PEMT: variants seen among roughly 807,000 people sequenced by gnomAD.
PEMT encodes phospholipid methyltransferase.
PEMT carries 23 observed loss-of-function variants against 27.4 expected under a neutral mutation model. The observed-to-expected ratio is 0.84, with a 90% CI of 0.60 to 1.19. The LOEUF is 1.19. Among genes scored for constraint, PEMT ranks in the 50% most tolerant of loss-of-function variants. PEMT has a pLI of 0.00. For missense variants in PEMT, 307 were observed against 310.1 expected, an observed-to-expected ratio of 0.99 and a Z score of 0.07; for synonymous variants, 137 against 139.1, an observed-to-expected ratio of 0.98 and a Z score of 0.11.
intron 1 of PEMT, among the ~76,000 whole-genome samples, chr17:17,584,262 C>T (rs3760187): frequency 0.06 from 9,104 of 152,214 alleles, 382 homozygotes; most frequent in East Asian, 0.14. Flanking sequence ...CGGGTTCACG[C>T]CATTCTCCTG....
At chr17:17,511,868 C>T (rs1204615976) in intron 4 of PEMT, among the ~76,000 whole-genome samples, 2 of 146,774 alleles carry the variant, frequency 1.4e-5, no homozygotes, top group Non-Finnish European at 3.0e-5. Context: ...TCCCAGATTC[C>T]AAGGAGCTGG....
intron 1 of PEMT, among the ~76,000 whole-genome samples, chr17:17,584,990 GTCA>G (rs1202178284): frequency 2.0e-5 from 3 of 152,250 alleles, no homozygotes; most frequent in Admixed American, 6.5e-5. Context: ...TGACAACTGT[GTCA>G]TCGAGTCCTG....
At chr17:17,507,054 A>T in intron 5 of PEMT, 1 of 1,005,234 alleles carries the variant, frequency 9.9e-7, no homozygotes, top group Non-Finnish European at 1.5e-6. Context: ...ACCCCGCCAC[A>T]CCAGTAAGCA....
At position 17,512,564 on chromosome 17, in the gene PEMT, G is replaced by A. The variant is rs755612184; in HGVS notation, c.411C>T (p.Gly137=). The A allele has an allele frequency of 1.4e-5, 22 of 1,608,776 alleles. No individual in the cohort carries two copies. The highest frequency in any genetic ancestry group is 2.2e-5 in the East Asian group (1 of 44,516). ...AGAAGCTGGAGAGCACGAGCACGAC[G>A]CCCAGTCCCAGGAGCGCGAGGCCCA... ...YSLGLALLGL[G]VVLVLSSFFA... Residue 137 remains glycine (G), a synonymous_variant, in exon 4 of 7, where the codon GGC becomes GGT. Transcript: ENST00000255389. The surrounding 1 kb of genome is among the most constrained non-coding windows in gnomAD (Gnocchi z 6.3).
chr17:17,591,770 G>A, upstream of PEMT: 2 of 1,435,506 alleles, frequency 1.4e-6, no homozygotes, highest in South Asian at 3.0e-5. Flanking sequence ...GGGAAATGTA[G>A]TTCCCCGTCA....
intron 2 of PEMT, among the ~76,000 whole-genome samples, chr17:17,538,301 T>G (rs1238125593): frequency 2.0e-5 from 3 of 152,244 alleles, no homozygotes; most frequent in Non-Finnish European, 4.4e-5. Context: ...GAGGCAGTAT[T>G]GTGCCATTGC....
At chr17:17,541,479 C>G (rs953580187) in intron 2 of PEMT, among the ~76,000 whole-genome samples, 3 of 152,354 alleles carry the variant, frequency 2.0e-5, no homozygotes, top group Middle Eastern at 3.4e-3. Flanking sequence ...GACCACCGGC[C>G]GCAGCAGCAG....
chr17:17,523,741 T>G lies in PEMT; in HGVS notation c.205-1346A>C, dbSNP rs1907459220. Among the ~76,000 whole-genome samples, 1 of 148,160 alleles carries G rather than the reference T, an allele frequency of 6.7e-6. No individual in the cohort carries two copies. The stretch of plus-strand genomic sequence containing the variant: ...CTTGCTGGGAATGTGTGGGGTGGGG[T>G]GGGGGCAGAAGAGGAGCAGTCTGCA... On this transcript the variant is annotated intron_variant, in intron 2 of 6. Transcript: ENST00000255389. The surrounding 1 kb of genome is among the most constrained non-coding windows in gnomAD (Gnocchi z 4.8).
At chr17:17,559,240 G>A (rs767170130) in intron 2 of PEMT, among the ~76,000 whole-genome samples, 6 of 152,354 alleles carry the variant, frequency 3.9e-5, no homozygotes, top group South Asian at 2.1e-4. Context: ...GGGGACCCTG[G>A]GGAGGGCTGG....
intron 2 of PEMT, among the ~76,000 whole-genome samples, chr17:17,555,763 A>G (rs1044975660): frequency 6.6e-6 from 1 of 152,134 alleles, no homozygotes; most frequent in Non-Finnish European, 1.5e-5. Flanking sequence ...CTCCGATCAC[A>G]CAGAAGCAAA....
intron 2 of PEMT, among the ~76,000 whole-genome samples, chr17:17,538,603 G>A (rs1350972366): frequency 1.3e-5 from 2 of 152,180 alleles, no homozygotes; most frequent in Non-Finnish European, 2.9e-5. Context: ...GGAAGAGGCA[G>A]TTGTTTCATC....
intron 2 of PEMT, among the ~76,000 whole-genome samples, chr17:17,537,207 C>T (rs911625699): frequency 6.6e-6 from 1 of 152,190 alleles, no homozygotes; most frequent in African/African-American, 2.4e-5. Flanking sequence ...AAGGAGGGAG[C>T]CAGCATGCTC....
At chr17:17,510,376 C>G (rs1054394423) in intron 4 of PEMT, among the ~76,000 whole-genome samples, 2 of 152,210 alleles carry the variant, frequency 1.3e-5, no homozygotes, top group Admixed American at 6.5e-5. Context: ...TTCCTCCCAG[C>G]CTTCTGTCCC....
Position 17,582,481 on chromosome 17 carries a change from C to T in PEMT, c.97-5454G>A. On this transcript the variant is annotated intron_variant, in intron 1 of 6. Transcript: ENST00000255389. This position sits in a 1 kb window ranked among gnomAD's most constrained non-coding sequence, Gnocchi z 4.9. ...TGTCACATTGTGACACATGGACAAA[C>T]AGCAGGCCTGGACAGGCAAAGTCAC... is the stretch of plus-strand genomic sequence containing the variant. 1 of 967,658 alleles carries T rather than the reference C, an allele frequency of 1.0e-6. No individual in the cohort carries two copies. The highest frequency in any genetic ancestry group is 1.2e-6 in the Non-Finnish European group (1 of 813,752). The allele number at this position is 967,658 out of a possible 1,614,324, so 59.9% of individuals were successfully genotyped here.
In PEMT at chr17:17,591,676, C is replaced by A. The variant is rs765142118; in HGVS notation, c.-50G>T. Reference sequence around the variant, plus strand: ...ACGCGGGCCCCGCTGCAGCCACGCGCCCCCGGAACCGGACCTATAGAGCCG... The same window carrying A: ...ACGCGGGCCCCGCTGCAGCCACGCGACCCCGGAACCGGACCTATAGAGCCG... On this transcript the variant is annotated 5_prime_UTR_variant, in exon 1 of 7. Transcript: ENST00000255389. 6.3e-6 allele frequency: 10 copies of A among 1,575,288 alleles called. No individual in the cohort carries two copies. The Admixed American group carries it at 1.7e-4, about 26-fold the overall frequency.
In PEMT at chr17:17,513,855, T is replaced by A. The variant is rs4646406; in HGVS notation, c.321-1201A>T. Among the ~76,000 whole-genome samples the A allele has an allele frequency of 0.43, 65,863 of 151,884 alleles. 14,993 individuals carry two copies. Among genetic ancestry groups the A allele is most frequent in the Non-Finnish European group, 0.52 (35,386 of 67,918 alleles). ...CACGGACATGTGTGACCAAATGTGC[T>A]CTTCCCATGCTCACAATAATCACAA... On this transcript the variant is annotated intron_variant, in intron 3 of 6. Transcript: ENST00000255389. This position sits in a 1 kb window ranked among gnomAD's most constrained non-coding sequence, Gnocchi z 4.1.
At chr17:17,577,347 A>C (rs1004950527) in intron 1 of PEMT, 37 of 549,940 alleles carry the variant, frequency 6.7e-5, no homozygotes, top group Non-Finnish European at 9.4e-5. Flanking sequence ...CTCCTGGATG[A>C]GGGTTCTCAG....
chr17:17,513,077 T>C lies in PEMT; in HGVS notation c.321-423A>G, dbSNP rs1906539109. Among the ~76,000 whole-genome samples, 1 of 152,130 alleles carries C rather than the reference T, an allele frequency of 6.6e-6. No homozygotes were observed. Among genetic ancestry groups the C allele is most frequent in the African/African-American group, 2.4e-5 (1 of 41,430 alleles). ...GCTCAGGAAAGACGCAGGTGCCAGGTTGCAGGGCAGGCCCAGGTGTCCCAT... is the reference window on the plus strand; with the variant it reads ...GCTCAGGAAAGACGCAGGTGCCAGGCTGCAGGGCAGGCCCAGGTGTCCCAT... On this transcript the variant is annotated intron_variant, in intron 3 of 6. Transcript: ENST00000255389. This position sits in a 1 kb window ranked among gnomAD's most constrained non-coding sequence, Gnocchi z 4.1.
chr17:17,592,104 C>A, upstream of PEMT: 1 of 985,218 alleles, frequency 1.0e-6, no homozygotes, highest in South Asian at 4.7e-5. Context: ...CCCCACACGC[C>A]CAGGGCCCCA....
Sources: allele counts gnomAD v4.1 joint callset (sites outside exome capture counted in the v4.1 genomes callset), GRCh38; gene constraint gnomAD v4.1.1; non-coding constraint Gnocchi (gnomAD v3.1); transcripts MANE v1.5; gene names NCBI Gene and HGNC (gene_info 2026-07-23, HGNC 2026-07-21).